GABBR2: variants seen among roughly 807,000 people sequenced by gnomAD.
GABBR2 encodes the protein G-protein coupled receptor 51.
A neutral mutation model predicts 105.6 loss-of-function variants in GABBR2; 23 were observed. That is an observed-to-expected ratio of 0.22 (90% confidence interval 0.16 to 0.31). GABBR2 has a LOEUF of 0.31. GABBR2 is among the 10% of genes least tolerant of loss of function. The pLI is 1.00. For synonymous variants in GABBR2, 478 were observed against 499.7 expected (o/e 0.96, Z 0.58); for missense variants, 734 against 1,245.5 (o/e 0.59, Z 6.18).
chr9:98,460,679 T>C (rs564641745), intron 6 of GABBR2, among the ~76,000 whole-genome samples: 56 of 152,228 alleles, frequency 3.7e-4, no homozygotes, highest in African/African-American at 1.2e-3. Flanking sequence ...AAGTATAATA[T>C]ATGTATAATT....
At chr9:98,308,176 G>A (rs1830580139) in intron 14 of GABBR2, among the ~76,000 whole-genome samples, 1 of 152,232 alleles carries the variant, frequency 6.6e-6, no homozygotes, top group African/African-American at 2.4e-5. Flanking sequence ...GGAGGTTGCA[G>A]TGAGCAGAGA....
intron 4 of GABBR2, among the ~76,000 whole-genome samples, chr9:98,487,164 C>T (rs1021807515): frequency 2.0e-5 from 3 of 152,248 alleles, no homozygotes; most frequent in Middle Eastern, 3.4e-3. Flanking sequence ...AATACCTTTT[C>T]GTCTCCATGT....
intron 4 of GABBR2, among the ~76,000 whole-genome samples, chr9:98,492,723 T>A (rs539168224): frequency 6.6e-6 from 1 of 152,300 alleles, no homozygotes; most frequent in African/African-American, 2.4e-5. Flanking sequence ...GGCCTTCAAC[T>A]GTAATTTGTC....
At chr9:98,466,199 G>A (rs1490962435) in intron 6 of GABBR2, among the ~76,000 whole-genome samples, 1 of 152,084 alleles carries the variant, frequency 6.6e-6, no homozygotes, top group African/African-American at 2.4e-5. Flanking sequence ...CCAGTTTCAG[G>A]TGTCTCTTTA....
chr9:98,538,637 GC>G, intron 3 of GABBR2: 2 of 980,590 alleles, frequency 2.0e-6, no homozygotes, highest in Non-Finnish European at 2.4e-6. Flanking sequence ...TAGTCCTAAT[GC>G]CACAGTAATA....
chr9:98,349,235 A>G (rs1221462842), intron 13 of GABBR2, among the ~76,000 whole-genome samples: 1 of 149,588 alleles, frequency 6.7e-6, no homozygotes, highest in African/African-American at 2.5e-5. Context: ...ACATTTATTG[A>G]TCTGTTTACG....
intron 7 of GABBR2, among the ~76,000 whole-genome samples, chr9:98,409,434 C>G (rs1832546375): frequency 7.4e-6 from 1 of 135,748 alleles, no homozygotes; most frequent in African/African-American, 2.5e-5. Context: ...TGGCCAGACT[C>G]TGTCCCTCCA....
intron 7 of GABBR2, among the ~76,000 whole-genome samples, chr9:98,418,298 G>A (rs1832723376): frequency 1.3e-5 from 2 of 152,098 alleles, no homozygotes; most frequent in African/African-American, 4.8e-5. Context: ...CAGCATTTTG[G>A]GAGGCCAAGT....
intron 1 of GABBR2, among the ~76,000 whole-genome samples, chr9:98,653,719 G>GCACACA (rs34694230): frequency 3.3e-5 from 5 of 150,254 alleles, no homozygotes; most frequent in South Asian, 2.1e-4. Flanking sequence ...GAGGTTTTCA[G>GCACACA]CACACACACA....
At chr9:98,440,621 G>A (rs901047581) in intron 7 of GABBR2, among the ~76,000 whole-genome samples, 2 of 152,220 alleles carry the variant, frequency 1.3e-5, no homozygotes, top group Non-Finnish European at 2.9e-5. Flanking sequence ...GAAAGAAGAA[G>A]GAGGTGGCAG....
intron 13 of GABBR2, among the ~76,000 whole-genome samples, chr9:98,353,818 G>A (rs1046608373): frequency 2.0e-5 from 3 of 151,962 alleles, no homozygotes; most frequent in Non-Finnish European, 2.9e-5. Context: ...GGGGGGGGTG[G>A]CGGAATTCCC....
intron 1 of GABBR2, among the ~76,000 whole-genome samples, chr9:98,638,611 T>C (rs1197894320): frequency 6.6e-6 from 1 of 151,944 alleles, no homozygotes; most frequent in Non-Finnish European, 1.5e-5. Flanking sequence ...ACTTATAGCA[T>C]GACAAGATAA....
chr9:98,594,795 A>G (rs751450793), intron 1 of GABBR2, among the ~76,000 whole-genome samples: 1 of 152,224 alleles, frequency 6.6e-6, no homozygotes, highest in Non-Finnish European at 1.5e-5. Flanking sequence ...ACAGGGAAGT[A>G]ATGCTGGGAA....
intron 13 of GABBR2, among the ~76,000 whole-genome samples, chr9:98,312,286 C>T (rs1206197410): frequency 6.6e-6 from 1 of 152,200 alleles, no homozygotes; most frequent in East Asian, 1.9e-4. Context: ...TAATCTCAAA[C>T]AATTCTTCAG....
intron 2 of GABBR2, among the ~76,000 whole-genome samples, chr9:98,569,446 C>T (rs925275419): frequency 1.3e-5 from 2 of 152,160 alleles, no homozygotes; most frequent in African/African-American, 4.8e-5. Flanking sequence ...CTCCAATGGC[C>T]GTAATCAGAG....
intron 4 of GABBR2, among the ~76,000 whole-genome samples, chr9:98,483,717 G>A (rs762052269): frequency 1.1e-4 from 17 of 151,840 alleles, no homozygotes; most frequent in Non-Finnish European, 1.0e-4. Flanking sequence ...TACTTTGCCC[G>A]CACAGCTGCT....
Position 98,371,350 on chromosome 9 carries a change from G to A in GABBR2, c.1770+114C>T, listed in dbSNP as rs1037411166. ...GTGAAGGTGGCAGGAGGTAGGGATT[G>A]TGTTTAGCTTGGATCCCCAGCAAAT... On this transcript the variant is annotated intron_variant, in intron 12 of 18. Transcript: ENST00000259455. 4.6e-6 allele frequency: 3 copies of A among 655,820 alleles called. No homozygotes were observed. The South Asian group carries it at 5.5e-5, about 12-fold the overall frequency. The allele number at this position is 655,820 out of a possible 1,614,324, so 40.6% of individuals were successfully genotyped here. A position where few individuals can be genotyped will look rare whatever the true frequency, so the allele number is the denominator to read the frequency against.
At chr9:98,490,385 T>C (rs2131662242) in intron 4 of GABBR2, among the ~76,000 whole-genome samples, 1 of 152,300 alleles carries the variant, frequency 6.6e-6, no homozygotes. Flanking sequence ...GGCAGGGGGC[T>C]GTGGATAGAA....
chr9:98,346,511 A>T lies in GABBR2; in HGVS notation c.1893+16204T>A, dbSNP rs190721059. 1.7e-3 allele frequency among the ~76,000 whole-genome samples: 254 copies of T among 152,378 alleles called. 2 individuals carry two copies. Among genetic ancestry groups the T allele is most frequent in the Admixed American group, 2.4e-3 (36 of 15,308 alleles). On this transcript the variant is annotated intron_variant, in intron 13 of 18. Coordinates refer to ENST00000259455, the MANE Select transcript of GABBR2 (RefSeq NM_005458.8). Reference sequence around the variant, plus strand: ...ATTTTGGTGTGTGTATAAAATGTGTAATAATGAAATCAGCATAATTAGCAT... The same window carrying T: ...ATTTTGGTGTGTGTATAAAATGTGTTATAATGAAATCAGCATAATTAGCAT...
Sources: allele counts gnomAD v4.1 joint callset (sites outside exome capture counted in the v4.1 genomes callset), GRCh38; gene constraint gnomAD v4.1.1; transcripts MANE v1.5; gene names NCBI Gene and HGNC (gene_info 2026-07-23, HGNC 2026-07-21).